The following ZNF462 variants were observed in gnomAD, a reference collection of about 807,000 sequenced individuals.
The protein encoded by ZNF462 is zinc finger PBX1-interacting protein.
Under a neutral mutation model 201.9 loss-of-function variants are expected in ZNF462, and 10 were observed. That is an observed-to-expected ratio of 0.05 (90% CI 0.03 to 0.08). The LOEUF is 0.08. Ranked by LOEUF, ZNF462 falls within the 10% of genes least tolerant of loss-of-function variation. The probability of loss-of-function intolerance (pLI) is 1.00; values close to 1 mark genes in which losing one functional copy is unlikely to be tolerated. For missense variants in ZNF462, 2,523 were observed against 3,168.3 expected, an observed-to-expected ratio of 0.80 and a Z score of 4.89; for synonymous variants, 1,227 against 1,193.3, an observed-to-expected ratio of 1.03 and a Z score of -0.58.
At position 106,864,039 on chromosome 9, in the gene ZNF462, GCTCTCTCT is replaced by G. The variant is rs773917122; in HGVS notation, c.-31+748_-31+755del. The stretch of plus-strand genomic sequence containing the variant: ...AGCCCCCCTCTTCCTCAGGTATTTG[GCTCTCTCT>G]CTCTCTCTCTCTCTCTCTCTCTCTC... On this transcript the variant is annotated intron_variant, in intron 1 of 12. Transcript: ENST00000277225. Among the ~76,000 whole-genome samples, 49 of 22,750 alleles carry G rather than the reference GCTCTCTCT, an allele frequency of 2.2e-3. 1 individual carries two copies. The highest frequency in any genetic ancestry group is 5.1e-3 in the East Asian group (4 of 788). 14.9% of individuals were successfully genotyped at this position (22,750 alleles called of 152,430 possible).
In ZNF462 at chr9:106,905,955, T is replaced by C. The variant is rs1010911051; in HGVS notation, c.-30-17399T>C. Among the ~76,000 whole-genome samples, 1 of 152,054 alleles carries C rather than the reference T, an allele frequency of 6.6e-6. No homozygotes were observed. The highest frequency in any genetic ancestry group is 2.4e-5 in the African/African-American group (1 of 41,414). Reference sequence around the variant, plus strand: ...ATTGTTACAAAGTTCAGCTACAGAGTTCCTTCTCCCTGTGGAGTTTTACCC... The same window carrying C: ...ATTGTTACAAAGTTCAGCTACAGAGCTCCTTCTCCCTGTGGAGTTTTACCC... On this transcript the variant is annotated intron_variant, in intron 1 of 12. Coordinates refer to ENST00000277225, the MANE Select transcript of ZNF462 (RefSeq NM_021224.6). This position sits in a 1 kb window ranked among gnomAD's most constrained non-coding sequence, Gnocchi z 5.9.
rs1829820324 is a variant in ZNF462 at position 106,917,458 on chromosome 9, C to A, written c.-30-5896C>A. ...GATGGACCAGGCCAACTGTATACAA[C>A]AGAGGCCACATGCATTGGCAGGACT... On this transcript the variant is annotated intron_variant, in intron 1 of 12. Coordinates refer to ENST00000277225, the MANE Select transcript of ZNF462 (RefSeq NM_021224.6). This position sits in a 1 kb window ranked among gnomAD's most constrained non-coding sequence, Gnocchi z 4.5. 6.6e-6 allele frequency among the ~76,000 whole-genome samples: 1 copy of A among 152,208 alleles called. No individual in the cohort carries two copies. Among genetic ancestry groups the A allele is most frequent in the African/African-American group, 2.4e-5 (1 of 41,454 alleles).
intron 9 of ZNF462, chr9:106,975,535 A>G (rs1245947559): frequency 6.6e-6 from 1 of 152,218 alleles, no homozygotes; most frequent in African/African-American, 2.4e-5. Flanking sequence ...GTTGCTGGCT[A>G]GGATGTCCAC....
At chr9:107,002,685 T>C (rs769467417) in intron 10 of ZNF462, among the ~76,000 whole-genome samples, 1 of 152,162 alleles carries the variant, frequency 6.6e-6, no homozygotes, top group Non-Finnish European at 1.5e-5. Flanking sequence ...TCTCAGATAA[T>C]CCCAGCCTTG....
rs1829940672 is a variant in ZNF462 at position 106,920,333 on chromosome 9, TTTGA to T, written c.-30-3017_-30-3014del. On this transcript the variant is annotated intron_variant, in intron 1 of 12. Coordinates refer to ENST00000277225, the MANE Select transcript of ZNF462 (RefSeq NM_021224.6). This position sits in a 1 kb window ranked among gnomAD's most constrained non-coding sequence, Gnocchi z 4.3. ...CATAAACATATCAAGTTTCTCTCTC[TTTGA>T]TTGGGCCATGCCAGCAACTTCTATT... 6.6e-6 allele frequency among the ~76,000 whole-genome samples: 1 copy of T among 152,212 alleles called. No homozygotes were observed. The highest frequency in any genetic ancestry group is 2.1e-4 in the South Asian group (1 of 4,832).
In ZNF462 at chr9:107,005,750, C is replaced by G. The variant is rs547764652; in HGVS notation, c.7189+2324C>G. On this transcript the variant is annotated intron_variant, in intron 11 of 12. Coordinates refer to ENST00000277225, the MANE Select transcript of ZNF462 (RefSeq NM_021224.6). The surrounding 1 kb of genome is among the most constrained non-coding windows in gnomAD (Gnocchi z 4.4). ...GCTTTTGAGGTCATATCCAAAAAAT[C>G]ATTGCCCAGACCAATGTCATGGAGC... 2.4e-4 allele frequency among the ~76,000 whole-genome samples: 36 copies of G among 152,300 alleles called. No homozygotes were observed. The highest frequency in any genetic ancestry group is 8.4e-4 in the African/African-American group (35 of 41,568).
At position 106,970,454 on chromosome 9, in the gene ZNF462, T is replaced by C. The variant is rs1482984413; in HGVS notation, c.6428-1551T>C. Among the ~76,000 whole-genome samples the C allele has an allele frequency of 6.6e-6, 1 of 152,206 alleles. No homozygotes were observed. Among genetic ancestry groups the C allele is most frequent in the African/African-American group, 2.4e-5 (1 of 41,448 alleles). ...TTCCTGTTCGAAGAGGCTGACGGGATGGATGGTGCTGGTTTCATCAAATAT... is the reference window on the plus strand; with the variant it reads ...TTCCTGTTCGAAGAGGCTGACGGGACGGATGGTGCTGGTTTCATCAAATAT... On this transcript the variant is annotated intron_variant, in intron 7 of 12. Coordinates refer to ENST00000277225, the MANE Select transcript of ZNF462 (RefSeq NM_021224.6). This position sits in a 1 kb window ranked among gnomAD's most constrained non-coding sequence, Gnocchi z 4.2.
Position 107,013,466 on chromosome 9 carries a change from A to C in ZNF462, c.*2436A>C, listed in dbSNP as rs1830036814. ...TGATAACCTATTGACTCCAGTAATC[A>C]GTGTTTCCCAATACTTCATAAGAGA... On this transcript the variant is annotated 3_prime_UTR_variant, in exon 13 of 13. Transcript: ENST00000277225. 6.6e-6 allele frequency: 1 copy of C among 152,178 alleles called. No homozygotes were observed. The highest frequency in any genetic ancestry group is 2.4e-5 in the African/African-American group (1 of 41,452). 9.4% of individuals were successfully genotyped at this position (152,178 alleles called of 1,614,324 possible).
At chr9:106,914,149 C>G (rs17788018) in intron 1 of ZNF462, among the ~76,000 whole-genome samples, 1 of 149,802 alleles carries the variant, frequency 6.7e-6, no homozygotes, top group East Asian at 2.0e-4. Flanking sequence ...CCACACAATT[C>G]TAAAATCTTG....
rs1205439939 is a variant in ZNF462, at chr9:106,872,398, C to T, written c.-31+9043C>T. ...TTTTCTTTTTGGAGACAGTTTTGCT[C>T]TGTCTCCCAGGCTGGAGTGCAGTGG... On this transcript the variant is annotated intron_variant, in intron 1 of 12. Transcript: ENST00000277225. The surrounding 1 kb of genome is among the most constrained non-coding windows in gnomAD (Gnocchi z 4.5). 1.3e-5 allele frequency among the ~76,000 whole-genome samples: 2 copies of T among 152,152 alleles called. No individual in the cohort carries two copies. The highest frequency in any genetic ancestry group is 6.5e-5 in the Admixed American group (1 of 15,278).
intron 7 of ZNF462, among the ~76,000 whole-genome samples, chr9:106,943,059 C>CGTGT (rs3056311): frequency 0.066 from 9,449 of 143,156 alleles, 383 homozygotes; most frequent in Non-Finnish European, 0.093. Context: ...TTTGCGCGCG[C>CGTGT]GTGTGTGTGT....
At position 106,903,168 on chromosome 9, in the gene ZNF462, T is replaced by G. The variant is rs1326718303; in HGVS notation, c.-30-20186T>G. Among the ~76,000 whole-genome samples, 3 of 152,302 alleles carry G rather than the reference T, an allele frequency of 2.0e-5. No homozygotes were observed. In the East Asian group the frequency reaches 5.8e-4, roughly 29 times the overall value. On this transcript the variant is annotated intron_variant, in intron 1 of 12. Transcript: ENST00000277225. ...TCGAAGAATTTTTAAATTTCCATCT[T>G]GATGTCATTTTTGACCCAATGTTCA...
upstream of ZNF462, among the ~76,000 whole-genome samples, chr9:106,860,794 C>A (rs1231561292): frequency 6.6e-6 from 1 of 152,150 alleles, no homozygotes; most frequent in Non-Finnish European, 1.5e-5. This position sits in a 1 kb window ranked among gnomAD's most constrained non-coding sequence, Gnocchi z 7.1. Flanking sequence ...GCTCAGACAC[C>A]CCCCGGGTCC....
At position 107,006,957 on chromosome 9, in the gene ZNF462, T is replaced by A. The variant is rs1829591739; in HGVS notation, c.7190-2588T>A. 6.6e-6 allele frequency among the ~76,000 whole-genome samples: 1 copy of A among 152,048 alleles called. No individual in the cohort carries two copies. The highest frequency in any genetic ancestry group is 2.1e-4 in the South Asian group (1 of 4,824). On this transcript the variant is annotated intron_variant, in intron 11 of 12. Transcript: ENST00000277225. The surrounding 1 kb of genome is among the most constrained non-coding windows in gnomAD (Gnocchi z 4.3). ...TGTGATCGGAGAAGCATGGCTTCTT[T>A]CTTTTTTCTTTTTCAAACCATTTCA...
At chr9:106,906,391 A>G (rs1829276429) in intron 1 of ZNF462, among the ~76,000 whole-genome samples, 1 of 152,148 alleles carries the variant, frequency 6.6e-6, no homozygotes, top group South Asian at 2.1e-4. Context: ...GCTACAATCT[A>G]TTCCTGCCTC....
chr9:106,860,168 C>G (rs61996261), upstream of ZNF462, among the ~76,000 whole-genome samples: 12 of 152,162 alleles, frequency 7.9e-5, no homozygotes, highest in Non-Finnish European at 1.8e-4. This position sits in a 1 kb window ranked among gnomAD's most constrained non-coding sequence, Gnocchi z 7.1. Flanking sequence ...GGAGCCAAGT[C>G]CCCCCGCGGC....
In ZNF462 at chr9:106,978,820, G is replaced by A. The variant is rs1827206019; in HGVS notation, c.6832+4547G>A. On this transcript the variant is annotated intron_variant, in intron 9 of 12. Coordinates refer to ENST00000277225, the MANE Select transcript of ZNF462 (RefSeq NM_021224.6). The surrounding 1 kb of genome is among the most constrained non-coding windows in gnomAD (Gnocchi z 4.1). The stretch of plus-strand genomic sequence containing the variant: ...AGTCTTTTAGCTTCTGCCTCTTACA[G>A]CTTGGCAACACAAGCCACAGATTTT... The A allele has an allele frequency of 5.6e-6, 1 of 177,656 alleles. No individual in the cohort carries two copies. Among genetic ancestry groups the A allele is most frequent in the Middle Eastern group, 2.5e-3 (1 of 408 alleles). The allele number at this position is 177,656 out of a possible 1,614,324, so 11.0% of individuals were successfully genotyped here.
chr9:106,967,822 C>T (rs1832147848), intron 7 of ZNF462, among the ~76,000 whole-genome samples: 1 of 152,026 alleles, frequency 6.6e-6, no homozygotes, highest in African/African-American at 2.4e-5. Flanking sequence ...CCTGTGTGGT[C>T]CCTTATTTTG....
Position 106,928,285 on chromosome 9 carries a change from T to C in ZNF462, c.4373T>C (p.Leu1458Pro). The C allele has an allele frequency of 6.2e-7, 1 of 1,613,654 alleles. No individual in the cohort carries two copies. The highest frequency in any genetic ancestry group is 8.5e-7 in the Non-Finnish European group (1 of 1,179,934). The change falls in exon 3 of 13, where the codon CTA becomes CCA. Residue 1458 changes from leucine to proline, a missense_variant. Physicochemically the swap from Leu to Pro is moderately conservative, Grantham distance 98. Transcript: ENST00000277225. The surrounding 1 kb of genome is among the most constrained non-coding windows in gnomAD (Gnocchi z 9.3). ...ARLSPEKSLQ[L>P]ASANPAISST... The stretch of plus-strand genomic sequence containing the variant: ...CTGTCCCCTGAGAAAAGCCTGCAGC[T>C]AGCTTCAGCCAACCCCGCCATATCC...
Sources: allele counts gnomAD v4.1 joint callset (sites outside exome capture counted in the v4.1 genomes callset), GRCh38; gene constraint gnomAD v4.1.1; non-coding constraint Gnocchi (gnomAD v3.1); transcripts MANE v1.5; gene names NCBI Gene and HGNC (gene_info 2026-07-23, HGNC 2026-07-21).